Variants in TSNARE1 observed in about 807,000 individuals in gnomAD.
TSNARE1 encodes the protein t-SNARE domain containing 1.
In TSNARE1, 49 loss-of-function variants were observed where a neutral mutation model predicts 62.0. The ratio of observed to expected loss-of-function variants is 0.79; its 90% CI spans 0.63 to 1.00. The LOEUF (loss-of-function observed/expected upper bound fraction) is 1.00. Ranked by LOEUF, TSNARE1 falls within the 50% of genes least tolerant of loss-of-function variation. TSNARE1 has a pLI of 0.00. For missense variants in TSNARE1, 755 were observed against 700.1 expected (o/e 1.08, Z -0.88); for synonymous variants, 328 against 294.4 (o/e 1.11, Z -1.17).
At chr8:142,359,367 C>T (rs1834988059) in intron 1 of TSNARE1, among the ~76,000 whole-genome samples, 2 of 152,180 alleles carry the variant, frequency 1.3e-5, no homozygotes, top group South Asian at 4.1e-4. Context: ...TCCAGTGCAT[C>T]ATCACCCCAG....
intron 1 of TSNARE1, among the ~76,000 whole-genome samples, chr8:142,390,736 C>T (rs1323837842): frequency 2.7e-4 from 4 of 14,640 alleles, no homozygotes; most frequent in African/African-American, 5.9e-4. Context: ...CGGGGGACTC[C>T]GTAACAGACG....
intron 6 of TSNARE1, 37 bp from the exon 7 acceptor site, chr8:142,318,671 G>A (rs1301051262): frequency 6.2e-6 from 10 of 1,608,558 alleles, no homozygotes; most frequent in Non-Finnish European, 7.7e-6. Flanking sequence ...GAAGGCAGGG[G>A]AGGAAGGCAG....
intron 12 of TSNARE1, among the ~76,000 whole-genome samples, chr8:142,235,237 C>A (rs892005053): frequency 4.0e-5 from 6 of 151,720 alleles, no homozygotes; most frequent in Non-Finnish European, 7.4e-5. Flanking sequence ...ACCCAGGATA[C>A]CCGCAGGCCC....
At chr8:142,248,661 C>T (rs555817635) in intron 12 of TSNARE1, among the ~76,000 whole-genome samples, 8 of 152,286 alleles carry the variant, frequency 5.3e-5, no homozygotes, top group Admixed American at 4.6e-4. Flanking sequence ...CAGATCTGGG[C>T]TGGGGTCTGG....
chr8:142,359,040 G>A (rs1002733427), intron 1 of TSNARE1, among the ~76,000 whole-genome samples: 2 of 151,970 alleles, frequency 1.3e-5, no homozygotes, highest in Non-Finnish European at 1.5e-5. Context: ...CTTGCTCACT[G>A]GGGGTTCTGC....
chr8:142,395,438 G>A (rs1370094206), intron 1 of TSNARE1, among the ~76,000 whole-genome samples: 1 of 152,130 alleles, frequency 6.6e-6, no homozygotes, highest in African/African-American at 2.4e-5. Flanking sequence ...GGCGGCCCCA[G>A]CAAAGACACG....
Position 142,223,983 on chromosome 8 carries a change from C to T in TSNARE1, c.*11+5490G>A, listed in dbSNP as rs573558531. Among the ~76,000 whole-genome samples the T allele has an allele frequency of 6.6e-5, 10 of 152,404 alleles. No individual in the cohort carries two copies. In the East Asian group the frequency reaches 1.9e-3, roughly 29 times the overall value. ...GCCAAGGGAGCCCAGGCAGGGCTTTCTGAAGAGACTGCTCGGGGCCATTTC... is the reference window on the plus strand; with the variant it reads ...GCCAAGGGAGCCCAGGCAGGGCTTTTTGAAGAGACTGCTCGGGGCCATTTC... On this transcript the variant is annotated intron_variant, in intron 13 of 13. Coordinates refer to ENST00000524325, the MANE Select transcript of TSNARE1 (RefSeq NM_145003.5).
chr8:142,250,223 T>A (rs988629642), intron 12 of TSNARE1, among the ~76,000 whole-genome samples: 1 of 152,300 alleles, frequency 6.6e-6, no homozygotes, highest in Admixed American at 6.5e-5. Context: ...TTTACAGCCA[T>A]TCTCCTGCCA....
chr8:142,317,638 G>A (rs1180087325), intron 7 of TSNARE1, among the ~76,000 whole-genome samples: 1 of 152,196 alleles, frequency 6.6e-6, no homozygotes, highest in Admixed American at 6.5e-5. Context: ...CTGGTGTGGT[G>A]GAGCGGAGGG....
chr8:142,341,482 G>A (rs539658898), intron 4 of TSNARE1, among the ~76,000 whole-genome samples: 34 of 152,298 alleles, frequency 2.2e-4, no homozygotes, highest in African/African-American at 6.3e-4. Context: ...CAGGCAGGCC[G>A]GCAAGGGGCC....
chr8:142,228,606 C>T (rs1816945774), intron 13 of TSNARE1, among the ~76,000 whole-genome samples: 1 of 152,252 alleles, frequency 6.6e-6, no homozygotes, highest in Non-Finnish European at 1.5e-5. Context: ...TTCTGGAGGT[C>T]AGTGCCTAGG....
intron 13 of TSNARE1, among the ~76,000 whole-genome samples, chr8:142,215,998 G>A (rs1160560081): frequency 6.6e-6 from 1 of 152,182 alleles, no homozygotes; most frequent in Non-Finnish European, 1.5e-5. Flanking sequence ...CCCAGCCTCT[G>A]CCTGCCTCAG....
intron 11 of TSNARE1, chr8:142,277,923 CCACAT>C (rs1395030280): frequency 2.0e-6 from 2 of 975,886 alleles, no homozygotes; most frequent in African/African-American, 1.7e-5. Context: ...CAGCCCCACA[CCACAT>C]GTCTATCCTT....
At chr8:142,222,716 C>CT (rs1816431348) in intron 13 of TSNARE1, among the ~76,000 whole-genome samples, 1 of 11,922 alleles carries the variant, frequency 8.4e-5, no homozygotes, top group Non-Finnish European at 3.4e-4. Context: ...ACTCACTCAT[C>CT]CACTCACTCA....
rs144930630 is a variant in TSNARE1, at chr8:142,229,934, G to A, written c.1447-355C>T. On this transcript the variant is annotated intron_variant, in intron 12 of 13. Coordinates refer to ENST00000524325, the MANE Select transcript of TSNARE1 (RefSeq NM_145003.5). ...ACCTTAAATTATTTTGTAAGGATAA[G>A]ATGATGCCATGGACTCCATGGAGAT... 1.6e-4 allele frequency among the ~76,000 whole-genome samples: 24 copies of A among 152,306 alleles called. No individual in the cohort carries two copies. The East Asian group carries it at 4.4e-3, about 28-fold the overall frequency.
chr8:142,391,003 T>C, intron 1 of TSNARE1, among the ~76,000 whole-genome samples: 1 of 144,832 alleles, frequency 6.9e-6, no homozygotes, highest in Non-Finnish European at 1.5e-5. Context: ...CGCTGTACAC[T>C]GCGGGGGACT....
At chr8:142,357,194 A>G (rs1834814995) in intron 1 of TSNARE1, among the ~76,000 whole-genome samples, 2 of 152,248 alleles carry the variant, frequency 1.3e-5, no homozygotes, top group South Asian at 2.1e-4. Context: ...CACTGATCCC[A>G]GCCAGAGCTC....
intron 1 of TSNARE1, among the ~76,000 whole-genome samples, chr8:142,397,470 G>A (rs1156805059): frequency 6.6e-6 from 1 of 152,210 alleles, no homozygotes; most frequent in African/African-American, 2.4e-5. Flanking sequence ...GCTCCTGGAG[G>A]GGCCAAGTGA....
intron 10 of TSNARE1, 90 bp downstream of exon 10, chr8:142,300,396 A>G: frequency 6.9e-7 from 1 of 1,443,680 alleles, no homozygotes; most frequent in Non-Finnish European, 9.3e-7. Flanking sequence ...AGGGCAAGCA[A>G]TGGTGCAGCA....
Sources: allele counts gnomAD v4.1 joint callset (sites outside exome capture counted in the v4.1 genomes callset), GRCh38; gene constraint gnomAD v4.1.1; transcripts MANE v1.5; gene names NCBI Gene and HGNC (gene_info 2026-07-23, HGNC 2026-07-21).